Variants in PRDX2 observed in about 807,000 individuals in gnomAD.
PRDX2 encodes peroxiredoxin 2.
In PRDX2, 10 loss-of-function variants were observed where a neutral mutation model predicts 19.8. The ratio of observed to expected loss-of-function variants is 0.50; its 90% CI spans 0.31 to 0.86. The LOEUF (loss-of-function observed/expected upper bound fraction) is 0.86, where lower values mean the gene tolerates loss of function less well. Ranked by LOEUF, PRDX2 falls within the 40% of genes least tolerant of loss-of-function variation. The pLI is 0.04. For synonymous variants in PRDX2, 118 were observed against 108.2 expected, an observed-to-expected ratio of 1.09 and a Z score of -0.56; for missense variants, 226 against 260.1, an observed-to-expected ratio of 0.87 and a Z score of 0.90.
chr19:12,797,530 C>G (rs1968811842), intron 5 of PRDX2, among the ~76,000 whole-genome samples: 1 of 151,344 alleles, frequency 6.6e-6, no homozygotes, highest in Non-Finnish European at 1.5e-5. Context: ...ACGCTTGTCT[C>G]GAACTCCTGA....
chr19:12,799,054 G>A (rs973005877), intron 5 of PRDX2, among the ~76,000 whole-genome samples: 8 of 151,096 alleles, frequency 5.3e-5, no homozygotes, highest in East Asian at 2.0e-4. Context: ...ACCTGCCACC[G>A]CACCCAGCTA....
intron 5 of PRDX2, among the ~76,000 whole-genome samples, chr19:12,799,319 T>C (rs1410386065): frequency 6.6e-6 from 1 of 152,008 alleles, no homozygotes; most frequent in Non-Finnish European, 1.5e-5. Flanking sequence ...AGCCTCAGCC[T>C]CTTGAGTAGC....
At chr19:12,800,616 C>T (rs1433140664) in intron 3 of PRDX2, 29 of 1,243,186 alleles carry the variant, frequency 2.3e-5, no homozygotes, top group Non-Finnish European at 3.1e-5. Context: ...CCCTTCACTT[C>T]GGTGAACTGG....
intron 5 of PRDX2, among the ~76,000 whole-genome samples, chr19:12,798,540 T>G (rs1354120751): frequency 6.6e-6 from 1 of 151,534 alleles, no homozygotes; most frequent in Non-Finnish European, 1.5e-5. Context: ...TAGTAGAGAC[T>G]GGGTTTCTCC....
Position 12,797,262 on chromosome 19 carries a change from C to T in PRDX2, c.512-96G>A. On this transcript the variant is annotated intron_variant, in intron 5 of 5. Transcript: ENST00000301522. Reference sequence around the variant, plus strand: ...GTGTTGCAGAAGAAAATGCTGGAAGCAAGTGGTCCAGGCCCAGGAATGTGG... The same window carrying T: ...GTGTTGCAGAAGAAAATGCTGGAAGTAAGTGGTCCAGGCCCAGGAATGTGG... 4.0e-6 allele frequency: 4 copies of T among 1,009,088 alleles called. No homozygotes were observed. The South Asian group carries it at 5.4e-5, about 14-fold the overall frequency. The allele number at this position is 1,009,088 out of a possible 1,614,324, so 62.5% of individuals were successfully genotyped here.
chr19:12,798,371 G>A (rs1968830963), intron 5 of PRDX2, among the ~76,000 whole-genome samples: 2 of 125,928 alleles, frequency 1.6e-5, no homozygotes, highest in African/African-American at 3.0e-5. Context: ...TTTTTGAGAC[G>A]GAGTTTCGCT....
intron 1 of PRDX2, 26 bp from the exon 2 acceptor site, chr19:12,801,296 C>T: frequency 1.3e-6 from 2 of 1,584,010 alleles, no homozygotes; most frequent in Admixed American, 1.8e-5. Context: ...GGTCAGTGCG[C>T]CCGGGAAGAC....
chr19:12,799,593 C>T (rs1258645143), intron 5 of PRDX2: 13 of 309,072 alleles, frequency 4.2e-5, no homozygotes, highest in Non-Finnish European at 7.4e-5. Context: ...CTCCTGACCT[C>T]AGGTGATCCA....
chr19:12,800,923 G>A lies in PRDX2; in HGVS notation c.250C>T (p.Leu84=), dbSNP rs1298962967. 6.2e-7 allele frequency: 1 copy of A among 1,609,894 alleles called. No homozygotes were observed. ...TTTGGCCCCTGCTCATACCAAGCCAGGTGGGTGAACTGAGAGTCCACCGAG... is the reference window on the plus strand; with the variant it reads ...TTTGGCCCCTGCTCATACCAAGCCAAGTGGGTGAACTGAGAGTCCACCGAG... ...GVSVDSQFTH[L]AWINTPRKEG... is the part of the protein sequence containing the mutation. The change falls in exon 3 of 6, where the codon CTG becomes TTG. Residue 84 remains leucine (L), a synonymous_variant. Transcript: ENST00000301522.
intron 3 of PRDX2, chr19:12,800,715 T>G: frequency 6.8e-7 from 1 of 1,479,462 alleles, no homozygotes; most frequent in Non-Finnish European, 9.0e-7. Context: ...GAGTTGCATC[T>G]GCAACTCTAT....
At chr19:12,797,341 T>C (rs1172892923) in intron 5 of PRDX2, among the ~76,000 whole-genome samples, 175 bp from the exon 6 acceptor site, 1 of 151,898 alleles carries the variant, frequency 6.6e-6, no homozygotes, top group Non-Finnish European at 1.5e-5. Flanking sequence ...TTTTTTTTTT[T>C]TCAGACAGAG....
rs1190362685 is a variant in PRDX2, at chr19:12,799,965, C to T, written c.405G>A (p.Lys135=). 6.2e-7 allele frequency: 1 copy of T among 1,613,932 alleles called. No individual in the cohort carries two copies. Among genetic ancestry groups the T allele is most frequent in the East Asian group, 2.2e-5 (1 of 44,878 alleles). ...AYRGLFIIDG[K]GVLRQITVND... ...TAACAGTGATCTGGCGAAGGACACC[C>T]TTGCCATCGATGATAAAGAGGCCCC... Residue 135 remains lysine, a synonymous_variant, in exon 5 of 6, where the codon AAG becomes AAA. Coordinates refer to ENST00000301522, the MANE Select transcript of PRDX2 (RefSeq NM_005809.6).
intron 5 of PRDX2, among the ~76,000 whole-genome samples, chr19:12,798,291 C>T (rs1396067028): frequency 1.3e-5 from 2 of 151,912 alleles, no homozygotes; most frequent in East Asian, 1.9e-4. Flanking sequence ...TTGATCCGCC[C>T]GCCTCAGCCT....
chr19:12,799,377 T>G (rs1242837654), intron 5 of PRDX2, among the ~76,000 whole-genome samples: 2 of 151,878 alleles, frequency 1.3e-5, no homozygotes, highest in Non-Finnish European at 2.9e-5. Context: ...TTTTTTTTTT[T>G]GAGACTGAGT....
intron 4 of PRDX2, 38 bp from the exon 5 acceptor site, chr19:12,800,027 T>G: frequency 6.2e-7 from 1 of 1,609,254 alleles, no homozygotes; most frequent in East Asian, 2.2e-5. Context: ...AGCTGATAGC[T>G]CCCACTGCCA....
chr19:12,799,899 C>T lies in PRDX2; in HGVS notation c.471G>A (p.Arg157=), dbSNP rs372904613. ...PVGRSVDEAL[R]LVQAFQYTDE... ...CTGTGTACTGGAAGGCCTGGACCAG[C>T]CGCAGAGCCTCATCCACGGAGCGTC... Residue 157 remains arginine (R), a synonymous_variant, in exon 5 of 6, where the codon CGG becomes CGA. Transcript: ENST00000301522. 1.5e-5 allele frequency: 25 copies of T among 1,613,384 alleles called. No individual in the cohort carries two copies. In the Admixed American group the frequency reaches 4.0e-4, roughly 26 times the overall value.
At chr19:12,800,386 G>A (rs1409169563) in intron 3 of PRDX2, 87 bp from the exon 4 acceptor site, 1 of 1,509,794 alleles carries the variant, frequency 6.6e-7, no homozygotes, top group African/African-American at 1.4e-5. Flanking sequence ...ATAAGCACTG[G>A]AGGCCGGAGA....
chr19:12,800,975 G>T lies in PRDX2; in HGVS notation c.198C>A (p.Arg66=), dbSNP rs373944452. The change falls in exon 3 of 6, where the codon CGC becomes CGA. Residue 66 remains arginine (R), a synonymous_variant. Coordinates refer to ENST00000301522, the MANE Select transcript of PRDX2 (RefSeq NM_005809.6). ...IAFSNRAEDF[R]KLGCEVLGVS... is the part of the protein sequence containing the mutation. ...CGCCCAGCACTTCACAGCCCAGCTT[G>T]CGGAAGTCCTCTGCACGGTTGCTGA... 2.1e-5 allele frequency: 34 copies of T among 1,612,020 alleles called. No homozygotes were observed. The highest frequency in any genetic ancestry group is 2.7e-5 in the African/African-American group (2 of 74,856).
At position 12,800,207 on chromosome 19, in the gene PRDX2, A is replaced by G. The variant is rs1055679036; in HGVS notation, c.350T>C (p.Val117Ala). The G allele has an allele frequency of 6.2e-7, 1 of 1,613,862 alleles. No homozygotes were observed. The highest frequency in any genetic ancestry group is 1.3e-5 in the African/African-American group (1 of 75,024). The change falls in exon 4 of 6, where the codon GTG (valine) becomes GCG (alanine). Residue 117 changes from valine (V) to alanine (A), a missense_variant. By Grantham distance (64) the Val-to-Ala change is moderately conservative. Transcript: ENST00000301522. ...VTRRLSEDYG[V>A]LKTDEGIAYR... ...GGCAATGCCCTCATCTGTTTTCAGCACGCCGTAATCCTCAGACAAGCGTCT... is the reference window on the plus strand; with the variant it reads ...GGCAATGCCCTCATCTGTTTTCAGCGCGCCGTAATCCTCAGACAAGCGTCT...
Sources: gnomAD v4.1 joint callset for allele counts (sites outside exome capture counted in the v4.1 genomes callset) on GRCh38, gnomAD v4.1.1 for gene constraint, MANE v1.5 for transcripts, NCBI Gene and HGNC (gene_info 2026-07-23, HGNC 2026-07-21) for gene names.